Variants in ALAS1 observed in about 807,000 individuals in gnomAD.
ALAS1 encodes the protein 5'-aminolevulinate synthase 1.
A neutral mutation model predicts 59.6 loss-of-function variants in ALAS1; 29 were observed. The ratio of observed to expected loss-of-function variants is 0.49; its 90% CI spans 0.36 to 0.66. The LOEUF is 0.66. ALAS1 is among the 30% of genes least tolerant of loss of function. ALAS1 has a pLI of 0.00. For synonymous variants in ALAS1, 299 were observed against 296.6 expected (o/e 1.01, Z -0.08); for missense variants, 690 against 807.5 (o/e 0.85, Z 1.76).
intron 7 of ALAS1, 130 bp downstream of exon 7, chr3:52,206,153 G>A: frequency 3.3e-6 from 3 of 904,824 alleles, no homozygotes; most frequent in Non-Finnish European, 4.9e-6. Context: ...CATTTGTTCT[G>A]GGGTCAAGCA....
Position 52,206,686 on chromosome 3 carries a change from T to G in ALAS1, c.1100T>G (p.Leu367Arg). The G allele has an allele frequency of 1.2e-6, 2 of 1,614,226 alleles. No individual in the cohort carries two copies. Among genetic ancestry groups the G allele is most frequent in the Non-Finnish European group, 1.7e-6 (2 of 1,180,048 alleles). ...AATGATGTCAGCCACCTCAGAGAAC[T>G]GCTGCAAAGATCTGACCCCTCAGTC... is the stretch of plus-strand genomic sequence containing the variant. The part of the protein sequence containing the change: ...RHNDVSHLRE[L>R]LQRSDPSVPK... Residue 367 changes from leucine to arginine, a missense_variant, in exon 8 of 12, where the codon CTG (leucine) becomes CGG (arginine). Physicochemically the swap from Leu to Arg is moderately radical, Grantham distance 102 (BLOSUM62 -2). Transcript: ENST00000484952.
Position 52,212,320 on chromosome 3 carries a change from C to T in ALAS1, c.1662C>T (p.Tyr554=), listed in dbSNP as rs150267990. The T allele has an allele frequency of 1.1e-3, 1,717 of 1,614,142 alleles. 13 individuals are homozygous for T. The highest frequency in any genetic ancestry group is 8.7e-4 in the East Asian group (39 of 44,886). The change falls in exon 11 of 12, where the codon TAC becomes TAT. Residue 554 remains tyrosine (Y), a synonymous_variant. Coordinates refer to ENST00000484952, the MANE Select transcript of ALAS1 (RefSeq NM_000688.6). ...AACTAATGAGCAGACATAACATCTA[C>T]GTGCAAGCAATCAATTACCCTACGG... The part of the protein sequence containing the change: ...CDELMSRHNI[Y]VQAINYPTVP...
At position 52,208,085 on chromosome 3, in the gene ALAS1, G is replaced by A; in HGVS notation, c.1168G>A (p.Ala390Thr). The part of the protein sequence containing the change: ...AFETVHSMDG[A>T]VCPLEELCDV... ...AGCAGTCTCTGGTCTTTCCTCAGGG[G>A]CGGTGTGCCCACTGGAAGAGCTGTG... Residue 390 changes from alanine to threonine, a missense_variant and splice_region_variant, in exon 9 of 12, where the codon GCG (alanine) becomes ACG (threonine). By Grantham distance (58) the Ala-to-Thr change is moderately conservative (BLOSUM62 0). Transcript: ENST00000484952. The A allele has an allele frequency of 6.4e-7, 1 of 1,563,162 alleles. No homozygotes were observed. Among genetic ancestry groups the A allele is most frequent in the East Asian group, 2.3e-5 (1 of 43,164 alleles).
rs529250224 is a variant in ALAS1, at chr3:52,198,721, G to A, written c.-160G>A. The A allele has an allele frequency of 7.6e-7, 1 of 1,310,686 alleles. No individual in the cohort carries two copies. The highest frequency in any genetic ancestry group is 2.5e-5 in the East Asian group (1 of 39,836). 81.2% of individuals were successfully genotyped at this position (1,310,686 alleles called of 1,614,324 possible). On this transcript the variant is annotated 5_prime_UTR_variant, in exon 2 of 12. Transcript: ENST00000484952. ...GGGACACGACCACGGAGGAATCCTT[G>A]CTTCAGGGACTCGGGACCCTGCTGG... is the stretch of plus-strand genomic sequence containing the variant.
intron 3 of ALAS1, among the ~76,000 whole-genome samples, chr3:52,201,978 G>C (rs1699193835): frequency 6.6e-6 from 1 of 152,188 alleles, no homozygotes; most frequent in Non-Finnish European, 1.5e-5. Flanking sequence ...CAACTGGAAT[G>C]TGCCAGTTAA....
intron 2 of ALAS1, 27 bp from the exon 3 acceptor site, chr3:52,199,183 A>G (rs746150701): frequency 1.2e-6 from 2 of 1,607,926 alleles, no homozygotes; most frequent in Admixed American, 1.7e-5. Flanking sequence ...CTGATTATTA[A>G]CAACTGTTGA....
chr3:52,211,314 C>T lies in ALAS1; in HGVS notation c.1362C>T (p.Ile454=), dbSNP rs758632913. ...GKAFGCVGGY[I]ASTSSLIDTV... is the part of the protein sequence containing the mutation. ...CCTTTGGTTGTGTTGGAGGGTACAT[C>T]GCCAGCACGAGTTCTCTGATTGACA... The change falls in exon 10 of 12, where the codon ATC becomes ATT. Residue 454 remains isoleucine, a synonymous_variant. Coordinates refer to ENST00000484952, the MANE Select transcript of ALAS1 (RefSeq NM_000688.6). The T allele has an allele frequency of 8.7e-6, 14 of 1,614,044 alleles. No homozygotes were observed. The highest frequency in any genetic ancestry group is 3.3e-5 in the Admixed American group (2 of 60,006).
Position 52,205,892 on chromosome 3 carries a change from G to T in ALAS1, c.854G>T (p.Gly285Val). ...GCAGGTGGTACTAGAAATATTTCTGGAACTAGTAAATTCCATGTGGACTTA... is the reference window on the plus strand; with the variant it reads ...GCAGGTGGTACTAGAAATATTTCTGTAACTAGTAAATTCCATGTGGACTTA... Reference protein sequence around the residue: ...AGAGGTRNISGTSKFHVDLER... With the variant: ...AGAGGTRNISVTSKFHVDLER... Residue 285 changes from glycine (G) to valine (V), a missense_variant, in exon 7 of 12, where the codon GGA becomes GTA. By Grantham distance (109) the Gly-to-Val change is moderately radical. Coordinates refer to ENST00000484952, the MANE Select transcript of ALAS1 (RefSeq NM_000688.6). The T allele has an allele frequency of 6.2e-7, 1 of 1,614,126 alleles. No homozygotes were observed.
intron 9 of ALAS1, among the ~76,000 whole-genome samples, chr3:52,209,512 C>G (rs969879048): frequency 2.4e-4 from 36 of 152,128 alleles, no homozygotes; most frequent in African/African-American, 8.0e-4. Context: ...CGGCCAGAAG[C>G]TCTTTTCTTT....
intron 11 of ALAS1, among the ~76,000 whole-genome samples, chr3:52,213,253 G>T (rs1019573818): frequency 6.6e-6 from 1 of 152,160 alleles, no homozygotes; most frequent in African/African-American, 2.4e-5. Flanking sequence ...TTAGCCACAG[G>T]TCACCTCTGC....
chr3:52,206,960 G>C (rs1040091767), intron 8 of ALAS1, among the ~76,000 whole-genome samples: 1 of 150,556 alleles, frequency 6.6e-6, no homozygotes, highest in Non-Finnish European at 1.5e-5. Context: ...TCAGCCTCCC[G>C]AGTAGCTGGG....
chr3:52,199,082 AT>A, intron 2 of ALAS1, 127 bp from the exon 3 acceptor site: 2 of 1,064,630 alleles, frequency 1.9e-6, no homozygotes, highest in Non-Finnish European at 2.7e-6. Flanking sequence ...GTCCTTAGGC[AT>A]TTTTGAGGGA....
intron 11 of ALAS1, among the ~76,000 whole-genome samples, chr3:52,212,914 G>T (rs1376603661): frequency 6.6e-6 from 1 of 152,180 alleles, no homozygotes; most frequent in Non-Finnish European, 1.5e-5. Flanking sequence ...TTCACATCAA[G>T]AGGGTGGAGA....
In ALAS1 at chr3:52,199,192, G is replaced by A; in HGVS notation, c.-32-18G>A. 6.2e-7 allele frequency: 1 copy of A among 1,611,604 alleles called. No individual in the cohort carries two copies. The highest frequency in any genetic ancestry group is 8.5e-7 in the Non-Finnish European group (1 of 1,177,946). On this transcript the variant is annotated intron_variant, in intron 2 of 11. Transcript: ENST00000484952. ...ATTTGCCTGATTATTAACAACTGTT[G>A]ATGTCACTCTTCATCAGTCTTTCCA...
At position 52,206,709 on chromosome 3, in the gene ALAS1, G is replaced by C. The variant is rs143531630; in HGVS notation, c.1123G>C (p.Val375Leu). 6 of 1,614,198 alleles carry C rather than the reference G, an allele frequency of 3.7e-6. No homozygotes were observed. The highest frequency in any genetic ancestry group is 5.1e-6 in the Non-Finnish European group (6 of 1,180,038). The part of the protein sequence containing the change: ...RELLQRSDPS[V>L]PKIVAFETVH... ...ACTGCTGCAAAGATCTGACCCCTCA[G>C]TCCCCAAGATTGTGGCATTTGAAAC... The change falls in exon 8 of 12, where the codon GTC (valine) becomes CTC (leucine). Residue 375 changes from valine (V) to leucine (L), a missense_variant. Val to Leu is a conservative substitution (Grantham distance 32, BLOSUM62 1). Transcript: ENST00000484952.
intron 6 of ALAS1, among the ~76,000 whole-genome samples, chr3:52,205,275 A>G (rs1231028956): frequency 6.6e-6 from 1 of 152,204 alleles, no homozygotes; most frequent in Non-Finnish European, 1.5e-5. Context: ...AGCGCTAGAG[A>G]AAAAGCTACT....
chr3:52,206,877 C>G, intron 8 of ALAS1, 126 bp downstream of exon 8: 1 of 1,045,248 alleles, frequency 9.6e-7, no homozygotes, highest in Non-Finnish European at 1.4e-6. Context: ...CTCTGTTGCC[C>G]AGGCAGGAGT....
In ALAS1 at chr3:52,198,728, G is replaced by A; in HGVS notation, c.-153G>A. The A allele has an allele frequency of 7.3e-7, 1 of 1,367,466 alleles. No individual in the cohort carries two copies. The allele number at this position is 1,367,466 out of a possible 1,614,324, so 84.7% of individuals were successfully genotyped here. On this transcript the variant is annotated 5_prime_UTR_variant, in exon 2 of 12. Transcript: ENST00000484952. Reference sequence around the variant, plus strand: ...GACCACGGAGGAATCCTTGCTTCAGGGACTCGGGACCCTGCTGGACCCCTT... The same window carrying A: ...GACCACGGAGGAATCCTTGCTTCAGAGACTCGGGACCCTGCTGGACCCCTT...
intron 3 of ALAS1, 94 bp downstream of exon 3, chr3:52,199,534 C>A: frequency 8.2e-7 from 1 of 1,214,214 alleles, no homozygotes; most frequent in Non-Finnish European, 1.2e-6. Flanking sequence ...GGGTCACACT[C>A]ACTCACAGAG....
Sources: allele counts gnomAD v4.1 joint callset (sites outside exome capture counted in the v4.1 genomes callset), GRCh38; gene constraint gnomAD v4.1.1; transcripts MANE v1.5; gene names NCBI Gene and HGNC (gene_info 2026-07-23, HGNC 2026-07-21).